PPARGC1A: variants seen among roughly 807,000 people sequenced by gnomAD.
PPARGC1A encodes peroxisome proliferator-activated receptor gamma coactivator 1-alpha.
Under a neutral mutation model 88.7 loss-of-function variants are expected in PPARGC1A, and 25 were observed. The observed-to-expected ratio is 0.28, with a 90% CI of 0.21 to 0.39. The LOEUF is 0.39. PPARGC1A is among the 10% of genes least tolerant of loss of function. The probability of loss-of-function intolerance (pLI) is 1.00; values close to 1 mark genes in which losing one functional copy is unlikely to be tolerated. For missense variants in PPARGC1A, 880 were observed against 968.7 expected, an observed-to-expected ratio of 0.91 and a Z score of 1.22; for synonymous variants, 363 against 355.6, an observed-to-expected ratio of 1.02 and a Z score of -0.24.
the PPARGC1A span, among the ~76,000 whole-genome samples, chr4:24,347,550 T>C: frequency 1.3e-5 from 2 of 152,234 alleles, no homozygotes; most frequent in Non-Finnish European, 2.9e-5. Flanking sequence ...TTAAAGTTTA[T>C]TTTGTTTGAT....
In PPARGC1A at chr4:23,868,219, A is replaced by G. The variant is rs565599698; in HGVS notation, c.234+16533T>C. On this transcript the variant is annotated intron_variant, in intron 2 of 12. Transcript: ENST00000264867. ...CGCCAATGCACATTCGCTTAACACA[A>G]CCACATGTCTCCCAACTCCATATAT... 2.6e-5 allele frequency among the ~76,000 whole-genome samples: 4 copies of G among 152,198 alleles called. No homozygotes were observed. The South Asian group carries it at 8.3e-4, about 32-fold the overall frequency.
the PPARGC1A span, among the ~76,000 whole-genome samples, chr4:24,092,087 C>T: frequency 2.0e-5 from 3 of 152,072 alleles, no homozygotes; most frequent in African/African-American, 4.8e-5. Context: ...CAAAAAGCAG[C>T]GTATGAATCA....
At chr4:24,186,168 G>A in the PPARGC1A span, among the ~76,000 whole-genome samples, 1 of 152,040 alleles carries the variant, frequency 6.6e-6, no homozygotes, top group African/African-American at 2.4e-5. Context: ...AGAGAGGGTG[G>A]GCAAAAGAAG....
chr4:24,349,382 G>A, the PPARGC1A span, among the ~76,000 whole-genome samples: 41 of 152,308 alleles, frequency 2.7e-4, no homozygotes, highest in African/African-American at 9.9e-4. Flanking sequence ...TGTGCCCTTT[G>A]TCTTCTGCTA....
At chr4:24,319,275 G>A in the PPARGC1A span, among the ~76,000 whole-genome samples, 2 of 152,120 alleles carry the variant, frequency 1.3e-5, no homozygotes, top group East Asian at 1.9e-4. Flanking sequence ...CAAGGTGTTC[G>A]AGGCTACAAT....
chr4:24,409,590 A>G, the PPARGC1A span, among the ~76,000 whole-genome samples: 1 of 152,238 alleles, frequency 6.6e-6, no homozygotes, highest in Admixed American at 6.5e-5. Context: ...ATCACTATAG[A>G]TCATCTACCT....
At chr4:24,059,456 A>C in the PPARGC1A span, among the ~76,000 whole-genome samples, 11 of 152,192 alleles carry the variant, frequency 7.2e-5, no homozygotes, top group African/African-American at 2.4e-4. Flanking sequence ...ACATTCCTCT[A>C]AAGAAGTGAG....
intron 2 of PPARGC1A, among the ~76,000 whole-genome samples, chr4:23,840,136 TCTAAGA>T (rs965589410): frequency 9.9e-5 from 15 of 152,166 alleles, no homozygotes; most frequent in African/African-American, 3.6e-4. Flanking sequence ...TTCTCATGTC[TCTAAGA>T]CTAAAAGCTA....
chr4:24,167,189 C>T, the PPARGC1A span, among the ~76,000 whole-genome samples: 2 of 152,078 alleles, frequency 1.3e-5, no homozygotes, highest in Non-Finnish European at 2.9e-5. Flanking sequence ...TTTGAGGGGT[C>T]CAAGACTTCC....
At chr4:24,043,235 T>C in the PPARGC1A span, among the ~76,000 whole-genome samples, 1 of 152,146 alleles carries the variant, frequency 6.6e-6, no homozygotes, top group Admixed American at 6.5e-5. Context: ...AGCTCACCTA[T>C]GTCCCCTATC....
the PPARGC1A span, among the ~76,000 whole-genome samples, chr4:23,954,178 C>T: frequency 6.3e-4 from 96 of 151,846 alleles, 2 homozygotes; most frequent in East Asian, 0.017. Flanking sequence ...AAAGTATGGG[C>T]GAATGAGATC....
At chr4:23,958,010 T>C in the PPARGC1A span, among the ~76,000 whole-genome samples, 1 of 152,052 alleles carries the variant, frequency 6.6e-6, no homozygotes, top group African/African-American at 2.4e-5. Flanking sequence ...TCCATCCCTG[T>C]GTGTGCATTT....
the PPARGC1A span, among the ~76,000 whole-genome samples, chr4:24,395,471 G>T: frequency 6.6e-6 from 1 of 152,142 alleles, no homozygotes; most frequent in Non-Finnish European, 1.5e-5. Context: ...ATTCATTTGG[G>T]TTGGTCAATG....
At chr4:24,125,357 G>T in the PPARGC1A span, among the ~76,000 whole-genome samples, 1 of 152,028 alleles carries the variant, frequency 6.6e-6, no homozygotes, top group Non-Finnish European at 1.5e-5. Context: ...CTCCCCATCT[G>T]CTTCTTCAAG....
the PPARGC1A span, among the ~76,000 whole-genome samples, chr4:24,030,715 A>T: frequency 6.6e-6 from 1 of 152,082 alleles, no homozygotes; most frequent in African/African-American, 2.4e-5. Context: ...CCCTCGTGAG[A>T]CCTCAGCTGA....
the PPARGC1A span, among the ~76,000 whole-genome samples, chr4:24,337,174 C>A: frequency 6.6e-6 from 1 of 152,150 alleles, no homozygotes; most frequent in Non-Finnish European, 1.5e-5. Context: ...TCTGATTTGT[C>A]CTTTGTGAAA....
chr4:23,969,776 C>T, the PPARGC1A span, among the ~76,000 whole-genome samples: 5 of 152,296 alleles, frequency 3.3e-5, no homozygotes, highest in Non-Finnish European at 7.3e-5. Flanking sequence ...TGAACCCACA[C>T]ACGTTGGGAG....
At chr4:24,361,187 C>T in the PPARGC1A span, among the ~76,000 whole-genome samples, 50,675 of 151,852 alleles carry the variant, frequency 0.33, 8,628 homozygotes, top group South Asian at 0.39. Flanking sequence ...AAGGAGTCAG[C>T]GGAGGACAGG....
the PPARGC1A span, among the ~76,000 whole-genome samples, chr4:24,418,963 T>C: frequency 6.6e-6 from 1 of 152,350 alleles, no homozygotes; most frequent in South Asian, 2.1e-4. Context: ...TTTCACTCTT[T>C]GACACTCTTA....
Sources: gnomAD v4.1 joint callset for allele counts (sites outside exome capture counted in the v4.1 genomes callset) on GRCh38, gnomAD v4.1.1 for gene constraint, MANE v1.5 for transcripts, NCBI Gene and HGNC (gene_info 2026-07-23, HGNC 2026-07-21) for gene names.